ANKRD17: variants seen among roughly 807,000 people sequenced by gnomAD.
ANKRD17 encodes ankyrin repeat domain 17.
A neutral mutation model predicts 229.7 loss-of-function variants in ANKRD17; 19 were observed. The ratio of observed to expected loss-of-function variants is 0.08; its 90% CI spans 0.06 to 0.12. The LOEUF is 0.12. ANKRD17 is among the 10% of genes least tolerant of loss of function. The probability of loss-of-function intolerance (pLI) is 1.00; values close to 1 mark genes in which losing one functional copy is unlikely to be tolerated. For missense variants in ANKRD17, 2,176 were observed against 3,176.8 expected (o/e 0.68, Z 7.57); for synonymous variants, 1,112 against 1,146.1 (o/e 0.97, Z 0.60).
chr4:73,162,054 CTCT>C (rs1732602025), intron 2 of ANKRD17, among the ~76,000 whole-genome samples: 1 of 150,370 alleles, frequency 6.7e-6, no homozygotes, highest in Non-Finnish European at 1.5e-5. Context: ...TTTTCTCTCT[CTCT>C]TTTTTTTTTT....
chr4:73,224,625 T>A (rs1474140612), intron 1 of ANKRD17, among the ~76,000 whole-genome samples: 1 of 152,244 alleles, frequency 6.6e-6, no homozygotes, highest in Non-Finnish European at 1.5e-5. Flanking sequence ...GTCATATTTT[T>A]AAACTACATT....
At chr4:73,247,835 C>A (rs746386709) in intron 1 of ANKRD17, among the ~76,000 whole-genome samples, 1 of 151,842 alleles carries the variant, frequency 6.6e-6, no homozygotes, top group Admixed American at 6.6e-5. Flanking sequence ...GATAATTTCA[C>A]TACAACATAA....
intron 1 of ANKRD17, among the ~76,000 whole-genome samples, chr4:73,222,021 A>T (rs1405676163): frequency 1.3e-5 from 2 of 152,120 alleles, no homozygotes; most frequent in Non-Finnish European, 2.9e-5. Flanking sequence ...TCCCCACAGT[A>T]AAATAATCTT....
chr4:73,226,387 C>CTTT (rs1742500538), intron 1 of ANKRD17, among the ~76,000 whole-genome samples: 3 of 122,168 alleles, frequency 2.5e-5, no homozygotes, highest in East Asian at 2.7e-4. Flanking sequence ...TTCTTTTCTT[C>CTTT]TGTTTTTTTT....
At chr4:73,229,621 C>T (rs2149236222) in intron 1 of ANKRD17, among the ~76,000 whole-genome samples, 1 of 150,236 alleles carries the variant, frequency 6.7e-6, no homozygotes. Flanking sequence ...AAAAAAAAAC[C>T]CAACCACAAT....
At chr4:73,179,488 G>GTGTA (rs1491132715) in intron 1 of ANKRD17, among the ~76,000 whole-genome samples, 39 of 48,208 alleles carry the variant, frequency 8.1e-4, no homozygotes, top group East Asian at 2.4e-3. Context: ...GTGTGTGTGT[G>GTGTA]TATATATATA....
chr4:73,137,893 A>G (rs956960774), intron 15 of ANKRD17, among the ~76,000 whole-genome samples: 3 of 152,182 alleles, frequency 2.0e-5, no homozygotes, highest in African/African-American at 7.2e-5. Flanking sequence ...AATTCTGATC[A>G]GCATACAAAA....
intron 1 of ANKRD17, among the ~76,000 whole-genome samples, chr4:73,185,732 T>G (rs1234722832): frequency 6.6e-6 from 1 of 152,092 alleles, no homozygotes. Flanking sequence ...GCTATCATTA[T>G]GGGATGAATT....
chr4:73,150,186 C>T (rs9993141), intron 7 of ANKRD17, among the ~76,000 whole-genome samples: 152,124 of 152,294 alleles, frequency 1, 75,978 homozygotes, highest in Middle Eastern at 1. Context: ...TCCTCGATAG[C>T]GAACTCCCAC....
Position 73,076,031 on chromosome 4 carries a change from G to A in ANKRD17, c.*200C>T, listed in dbSNP as rs528123878. ...AAATGATAAGAAAAATGCTAACTAAGGTAAAACGGATGATGATGGGGAATG... is the reference window on the plus strand; with the variant it reads ...AAATGATAAGAAAAATGCTAACTAAAGTAAAACGGATGATGATGGGGAATG... On this transcript the variant is annotated 3_prime_UTR_variant, in exon 34 of 34. Transcript: ENST00000358602. 2 of 451,828 alleles carry A rather than the reference G, an allele frequency of 4.4e-6. No individual in the cohort carries two copies. The highest frequency in any genetic ancestry group is 4.0e-6 in the Non-Finnish European group (1 of 248,616). 28.0% of individuals were successfully genotyped at this position (451,828 alleles called of 1,614,324 possible).
chr4:73,182,858 G>A (rs917711198), intron 1 of ANKRD17, among the ~76,000 whole-genome samples: 1 of 152,200 alleles, frequency 6.6e-6, no homozygotes, highest in Non-Finnish European at 1.5e-5. Context: ...AATTTAGGAT[G>A]TTTAACAGCA....
chr4:73,132,578 A>G (rs1728363215), intron 16 of ANKRD17, among the ~76,000 whole-genome samples: 1 of 152,208 alleles, frequency 6.6e-6, no homozygotes, highest in African/African-American at 2.4e-5. Context: ...TAACCCAACA[A>G]ATGACAAATC....
At chr4:73,183,415 T>C (rs986531744) in intron 1 of ANKRD17, among the ~76,000 whole-genome samples, 2 of 152,098 alleles carry the variant, frequency 1.3e-5, no homozygotes, top group African/African-American at 4.8e-5. Flanking sequence ...TTCTTGAAAA[T>C]GTTGCATCTG....
intron 6 of ANKRD17, among the ~76,000 whole-genome samples, chr4:73,152,974 T>C (rs1731198391): frequency 6.6e-6 from 1 of 152,212 alleles, no homozygotes; most frequent in Non-Finnish European, 1.5e-5. Context: ...AGGATTATTT[T>C]CATGTTTATA....
At chr4:73,203,433 AAGAG>A (rs1192738248) in intron 1 of ANKRD17, among the ~76,000 whole-genome samples, 1 of 152,184 alleles carries the variant, frequency 6.6e-6, no homozygotes, top group African/African-American at 2.4e-5. Context: ...GAATTCCAGA[AAGAG>A]AGAAGGAGGG....
chr4:73,179,482 G>A (rs1177943126), intron 1 of ANKRD17, among the ~76,000 whole-genome samples: 27 of 59,352 alleles, frequency 4.5e-4, no homozygotes, highest in African/African-American at 1.4e-3. Context: ...GTGTGTGTGT[G>A]TGTGTGTATA....
At chr4:73,170,109 G>A (rs1293077868) in intron 2 of ANKRD17, among the ~76,000 whole-genome samples, 1 of 152,032 alleles carries the variant, frequency 6.6e-6, no homozygotes, top group Admixed American at 6.5e-5. Flanking sequence ...GTGGCTAAGG[G>A]AGTGCTTGAG....
chr4:73,223,652 C>T (rs1245806465), intron 1 of ANKRD17, among the ~76,000 whole-genome samples: 2 of 152,152 alleles, frequency 1.3e-5, no homozygotes, highest in Non-Finnish European at 2.9e-5. Context: ...AACTAATTTA[C>T]AGTTACTGAA....
chr4:73,091,443 T>C lies in ANKRD17; in HGVS notation c.6185A>G (p.Asp2062Gly). Residue 2062 changes from aspartate to glycine, a missense_variant, in exon 29 of 34, where the codon GAT becomes GGT. Transcript: ENST00000358602. ...TTTATTTGGAGATGCTGATCCACAA[T>C]CCAAAGGGCTGTTTCTAGAAACCCC... ...PGGVSRNSPL[D>G]CGSASPNKVA... 1 of 1,614,162 alleles carries C rather than the reference T, an allele frequency of 6.2e-7. No individual in the cohort carries two copies. The highest frequency in any genetic ancestry group is 8.5e-7 in the Non-Finnish European group (1 of 1,180,020).
Sources: gnomAD v4.1 joint callset for allele counts (sites outside exome capture counted in the v4.1 genomes callset) on GRCh38, gnomAD v4.1.1 for gene constraint, MANE v1.5 for transcripts, NCBI Gene and HGNC (gene_info 2026-07-23, HGNC 2026-07-21) for gene names.